Variants in SYN1 observed in about 807,000 individuals in gnomAD.
The protein encoded by SYN1 is synapsin-1.
A neutral mutation model predicts 44.6 loss-of-function variants in SYN1; 8 were observed. The ratio of observed to expected loss-of-function variants is 0.18; its 90% CI spans 0.11 to 0.32. SYN1 has a LOEUF of 0.32. Among genes scored for constraint, SYN1 ranks in the 10% least tolerant of loss-of-function variants. The probability of loss-of-function intolerance (pLI) is 1.00; values close to 1 mark genes in which losing one functional copy is unlikely to be tolerated. For missense variants in SYN1, 451 were observed against 639.4 expected, an observed-to-expected ratio of 0.71 and a Z score of 3.18; for synonymous variants, 275 against 280.1, an observed-to-expected ratio of 0.98 and a Z score of 0.18.
At chrX:47,588,783 G>A (rs1337353859) in intron 5 of SYN1, among the ~76,000 whole-genome samples, 1 of 111,998 alleles carries the variant, frequency 8.9e-6, no homozygotes, top group East Asian at 2.8e-4. Flanking sequence ...TGTGACAGCT[G>A]AGAGGAAGCT....
At position 47,605,208 on chromosome X, in the gene SYN1, C is replaced by T; in HGVS notation, c.684+15G>A. 1 of 1,208,253 alleles carries T rather than the reference C, an allele frequency of 8.3e-7. No individual in the cohort carries two copies. Among genetic ancestry groups the T allele is most frequent in the Non-Finnish European group, 1.1e-6 (1 of 893,610 alleles). On this transcript the variant is annotated intron_variant, in intron 4 of 12. Coordinates refer to ENST00000295987, the MANE Select transcript of SYN1 (RefSeq NM_006950.3). ...AGCTGTTCCCTCTGCCAGTGGCACCCTTCCTGTTACTTACCACCCAGGGCT... is the reference window on the plus strand; with the variant it reads ...AGCTGTTCCCTCTGCCAGTGGCACCTTTCCTGTTACTTACCACCCAGGGCT...
At chrX:47,604,517 C>A (rs1409491742) in intron 5 of SYN1, among the ~76,000 whole-genome samples, 2 of 106,533 alleles carry the variant, frequency 1.9e-5, no homozygotes, top group Non-Finnish European at 3.9e-5. Flanking sequence ...TCTCAAAGTG[C>A]TGGGATTACA....
intron 5 of SYN1, among the ~76,000 whole-genome samples, chrX:47,598,454 T>C (rs940532621): frequency 9.0e-6 from 1 of 111,420 alleles, no homozygotes; most frequent in African/African-American, 3.3e-5. Context: ...CACAACACTT[T>C]GGGAGGCCAA....
At chrX:47,618,980 A>G (rs2057938997) in intron 1 of SYN1, among the ~76,000 whole-genome samples, 1 of 110,954 alleles carries the variant, frequency 9.0e-6, no homozygotes, top group Non-Finnish European at 1.9e-5. Flanking sequence ...CAGGTACTAG[A>G]TAAGTGCTCA....
intron 1 of SYN1, among the ~76,000 whole-genome samples, chrX:47,609,236 G>T (rs946056850): frequency 8.9e-6 from 1 of 112,192 alleles, no homozygotes; most frequent in Non-Finnish European, 1.9e-5. Flanking sequence ...TTGAATGGCA[G>T]CTACTGACAG....
In SYN1 at chrX:47,592,896, A is replaced by G. The variant is rs1172332682; in HGVS notation, c.774+12082T>C. Among the ~76,000 whole-genome samples, 6 of 110,924 alleles carry G rather than the reference A, an allele frequency of 5.4e-5. 1 individual carries two copies. The highest frequency in any genetic ancestry group is 1.9e-5 in the Non-Finnish European group (1 of 52,956). ...TTCTTTTTTATTTTTATTTTTTGAG[A>G]CAAGGTCTCGCTCTGTCACCCAGGC... On this transcript the variant is annotated intron_variant, in intron 5 of 12. Coordinates refer to ENST00000295987, the MANE Select transcript of SYN1 (RefSeq NM_006950.3).
At chrX:47,585,155 G>A in intron 5 of SYN1, 1 of 1,168,566 alleles carries the variant, frequency 8.6e-7, no homozygotes, top group Non-Finnish European at 1.1e-6. Flanking sequence ...AGAACCTGGA[G>A]TGGGAGGATT....
intron 5 of SYN1, among the ~76,000 whole-genome samples, chrX:47,602,804 T>A (rs2057884020): frequency 8.9e-6 from 1 of 111,877 alleles, no homozygotes; most frequent in Admixed American, 9.5e-5. Flanking sequence ...GGGTCAATAT[T>A]TATATTTAAT....
Position 47,607,053 on chromosome X carries a change from A to G in SYN1, c.436-17T>C. 8.3e-7 allele frequency: 1 copy of G among 1,209,497 alleles called. No individual in the cohort carries two copies. The highest frequency in any genetic ancestry group is 1.1e-6 in the Non-Finnish European group (1 of 893,608). ...GAATTCGGCCTGGGAAGGAGAAAAAAACTGGTGATTCACCTACATCACACA... is the reference window on the plus strand; with the variant it reads ...GAATTCGGCCTGGGAAGGAGAAAAAGACTGGTGATTCACCTACATCACACA... On this transcript the variant is annotated splice_polypyrimidine_tract_variant and intron_variant, in intron 2 of 12. Transcript: ENST00000295987.
intron 5 of SYN1, chrX:47,583,373 G>A: frequency 6.0e-6 from 7 of 1,171,526 alleles, no homozygotes; most frequent in Non-Finnish European, 8.0e-6. Flanking sequence ...AGATCAGCTG[G>A]GCCGGGGCCT....
intron 5 of SYN1, among the ~76,000 whole-genome samples, chrX:47,588,968 G>A (rs904132903): frequency 2.7e-5 from 3 of 111,047 alleles, no homozygotes; most frequent in South Asian, 3.9e-4. Flanking sequence ...GGATGTTTAC[G>A]GGGTGTCTTT....
chrX:47,606,824 C>T (rs758022960), intron 3 of SYN1, 121 bp downstream of exon 3: 3 of 709,849 alleles, frequency 4.2e-6, no homozygotes, highest in East Asian at 3.5e-5. Context: ...TGTCTCCCCA[C>T]ATTCCATGCC....
At position 47,577,412 on chromosome X, in the gene SYN1, C is replaced by T. The variant is rs1192197650; in HGVS notation, c.837+27G>A. On this transcript the variant is annotated intron_variant, in intron 6 of 12. Coordinates refer to ENST00000295987, the MANE Select transcript of SYN1 (RefSeq NM_006950.3). ...GTGCATTGCACAAATACACATCTAC[C>T]TATGCACAGCCCAGCCAGAGACTCA... is the stretch of plus-strand genomic sequence containing the variant. The T allele has an allele frequency of 5.0e-6, 6 of 1,198,182 alleles. No homozygotes were observed. In the East Asian group the frequency reaches 1.2e-4, roughly 24 times the overall value.
chrX:47,586,460 G>T, intron 5 of SYN1: 1 of 1,180,474 alleles, frequency 8.5e-7, no homozygotes, highest in South Asian at 1.9e-5. Flanking sequence ...AGGAGAGGAA[G>T]TTCTGCTCCA....
intron 5 of SYN1, among the ~76,000 whole-genome samples, chrX:47,582,158 C>T (rs2057800652): frequency 8.9e-6 from 1 of 112,228 alleles, no homozygotes; most frequent in South Asian, 3.6e-4. Flanking sequence ...GGGGGAAATG[C>T]GGCCTCTAAG....
At chrX:47,602,925 A>AT (rs1484176450) in intron 5 of SYN1, among the ~76,000 whole-genome samples, 1 of 111,736 alleles carries the variant, frequency 8.9e-6, no homozygotes, top group Non-Finnish European at 1.9e-5. Context: ...ATTAGTAACA[A>AT]TTATTTAATT....
chrX:47,605,409 G>A (rs767101797), intron 3 of SYN1, 30 bp from the exon 4 acceptor site: 4 of 1,206,701 alleles, frequency 3.3e-6, no homozygotes, highest in Non-Finnish European at 3.4e-6. Context: ...AGTGTTGAGA[G>A]TTCCCCCAGA....
At chrX:47,607,327 T>A in intron 1 of SYN1, 129 bp from the exon 2 acceptor site, 1 of 563,786 alleles carries the variant, frequency 1.8e-6, no homozygotes, top group Admixed American at 3.6e-5. Context: ...ATTATTGAAA[T>A]ATTTTGAAAA....
At chrX:47,616,538 T>A (rs1019421177) in intron 1 of SYN1, among the ~76,000 whole-genome samples, 7 of 111,394 alleles carry the variant, frequency 6.3e-5, no homozygotes, top group African/African-American at 2.3e-4. Context: ...ATTACCTATA[T>A]CCAGCAGAGG....
Sources: gnomAD v4.1 joint callset for allele counts (sites outside exome capture counted in the v4.1 genomes callset) on GRCh38, gnomAD v4.1.1 for gene constraint, MANE v1.5 for transcripts, NCBI Gene and HGNC (gene_info 2026-07-23, HGNC 2026-07-21) for gene names.